Variants in DNAH8 observed in about 807,000 individuals in gnomAD.
DNAH8 encodes dynein axonemal heavy chain 8.
Under a neutral mutation model 562.1 loss-of-function variants are expected in DNAH8, and 382 were observed. The ratio of observed to expected loss-of-function variants is 0.68; its 90% CI spans 0.63 to 0.74. The LOEUF is 0.74. Ranked by LOEUF, DNAH8 falls within the 30% of genes least tolerant of loss-of-function variation. DNAH8 has a pLI of 0.00. For synonymous variants in DNAH8, 1,881 were observed against 1,919.4 expected, an observed-to-expected ratio of 0.98 and a Z score of 0.52; for missense variants, 5,203 against 5,620.4, an observed-to-expected ratio of 0.93 and a Z score of 2.37.
Position 38,848,182 on chromosome 6 carries a change from T to G in DNAH8, c.5046-466T>G, listed in dbSNP as rs937325657. Among the ~76,000 whole-genome samples the G allele has an allele frequency of 4.6e-5, 7 of 152,268 alleles. No individual in the cohort carries two copies. In the East Asian group the frequency reaches 5.8e-4, roughly 13 times the overall value. On this transcript the variant is annotated intron_variant, in intron 36 of 92. Transcript: ENST00000327475. ...AGTCTGTCTCTTGCTGGATGAAACC[T>G]TCAAGACCATTCATAAAAGGAAAAT...
Position 38,911,475 on chromosome 6 carries a change from C to T in DNAH8, c.9748C>T (p.Arg3250Ter), listed in dbSNP as rs747123680. ...SCESYFQRYR[R>*]RAHVTPKSYL... ...TTAATGTTCTGCTTTCAGATACCGCCGAAGAGCACATGTGACTCCCAAATC... is the reference window on the plus strand; with the variant it reads ...TTAATGTTCTGCTTTCAGATACCGCTGAAGAGCACATGTGACTCCCAAATC... The change falls in exon 66 of 93, where the codon CGA (arginine) becomes TGA (stop). Residue 3250 changes from arginine (R) to a stop codon, truncating the protein, a stop_gained. Transcript: ENST00000327475. LOFTEE classifies it high-confidence loss of function. 1.6e-5 allele frequency: 25 copies of T among 1,610,590 alleles called. No individual in the cohort carries two copies. Among genetic ancestry groups the T allele is most frequent in the East Asian group, 2.2e-5 (1 of 44,832 alleles).
At chr6:38,832,755 T>A (rs1773948012) in intron 31 of DNAH8, among the ~76,000 whole-genome samples, 1 of 152,212 alleles carries the variant, frequency 6.6e-6, no homozygotes, top group Admixed American at 6.5e-5. Flanking sequence ...TGTGTTGGGC[T>A]GCATTCAAAG....
intron 91 of DNAH8, among the ~76,000 whole-genome samples, chr6:39,025,189 C>A (rs1184978276): frequency 6.6e-6 from 1 of 152,100 alleles, no homozygotes; most frequent in African/African-American, 2.4e-5. Context: ...CTGGAATTGC[C>A]CCATCTGGCA....
chr6:38,776,610 G>T (rs895885835), intron 13 of DNAH8, among the ~76,000 whole-genome samples: 4 of 144,104 alleles, frequency 2.8e-5, no homozygotes, highest in African/African-American at 1.2e-4. Flanking sequence ...CAAGTGTGAT[G>T]AGATTTGAGA....
chr6:38,752,149 C>T (rs964279539), intron 9 of DNAH8, among the ~76,000 whole-genome samples: 1 of 151,196 alleles, frequency 6.6e-6, no homozygotes, highest in Non-Finnish European at 1.5e-5. Flanking sequence ...TGAAATGCTT[C>T]CTCTTTCCTT....
intron 64 of DNAH8, among the ~76,000 whole-genome samples, chr6:38,909,262 T>C: frequency 6.6e-6 from 1 of 152,216 alleles, no homozygotes; most frequent in Non-Finnish European, 1.5e-5. Context: ...AAAAGAGTAC[T>C]AGTTTATCAG....
chr6:38,850,108 G>A (rs202243584), intron 37 of DNAH8, 143 bp from the exon 38 acceptor site: 3 of 651,336 alleles, frequency 4.6e-6, no homozygotes, highest in African/African-American at 1.9e-5. Flanking sequence ...TAATTCAAAT[G>A]AAAAAAAATT....
chr6:38,873,154 C>A lies in DNAH8; in HGVS notation c.7479+7C>A. Reference sequence around the variant, plus strand: ...CTGGAGGCCAATCTTACAGGTGGGGCAGAGAGATGGGAAGAAGAACCCTCA... The same window carrying A: ...CTGGAGGCCAATCTTACAGGTGGGGAAGAGAGATGGGAAGAAGAACCCTCA... On this transcript the variant is annotated splice_region_variant and intron_variant, in intron 51 of 92. Coordinates refer to ENST00000327475, the MANE Select transcript of DNAH8 (RefSeq NM_001206927.2). The A allele has an allele frequency of 6.2e-7, 1 of 1,613,250 alleles. No individual in the cohort carries two copies. The highest frequency in any genetic ancestry group is 8.5e-7 in the Non-Finnish European group (1 of 1,179,924).
chr6:38,787,129 A>G (rs888207641), intron 18 of DNAH8, among the ~76,000 whole-genome samples, 177 bp downstream of exon 18: 12 of 152,090 alleles, frequency 7.9e-5, no homozygotes, highest in Non-Finnish European at 1.5e-5. Flanking sequence ...AAGATTGGAA[A>G]TGGAAAGCAA....
intron 92 of DNAH8, among the ~76,000 whole-genome samples, chr6:39,028,825 G>C (rs886360843): frequency 6.6e-6 from 1 of 152,144 alleles, no homozygotes; most frequent in Non-Finnish European, 1.5e-5. Flanking sequence ...GATTTTCTGG[G>C]ACTGCCCATG....
At chr6:39,025,169 G>A (rs1767191702) in intron 91 of DNAH8, among the ~76,000 whole-genome samples, 2 of 152,162 alleles carry the variant, frequency 1.3e-5, no homozygotes, top group Admixed American at 1.3e-4. Context: ...TGTGTGTGCT[G>A]TTCCTTTACC....
chr6:38,955,634 A>AC (rs1762195117), intron 82 of DNAH8, among the ~76,000 whole-genome samples: 1 of 152,106 alleles, frequency 6.6e-6, no homozygotes, highest in Admixed American at 6.5e-5. Context: ...CCATCTCAAA[A>AC]ATAAATAAAT....
At chr6:38,886,739 G>A in intron 56 of DNAH8, 52 bp from the exon 57 acceptor site, 1 of 1,315,778 alleles carries the variant, frequency 7.6e-7, no homozygotes, top group Non-Finnish European at 1.1e-6. Context: ...TTGAAGTTAT[G>A]GAGGAATATG....
At chr6:38,726,971 C>T (rs1763276132) in intron 3 of DNAH8, among the ~76,000 whole-genome samples, 1 of 147,048 alleles carries the variant, frequency 6.8e-6, no homozygotes, top group Non-Finnish European at 1.5e-5. Context: ...GATTCTCCTG[C>T]TTCAGCCTCC....
In DNAH8 at chr6:38,781,276, AC is replaced by A. The variant is rs747799823; in HGVS notation, c.2168del (p.Pro723LeufsTer9). ...CAGCTTTATCATTCTCAGAAAGATG[AC>A]CCCCCTCTTGCTCGCAACATGCCCC... is the stretch of plus-strand genomic sequence containing the variant. ...TKKLYHSQKD[D>X]PPLARNMPPI... On this transcript the variant is annotated frameshift_variant, in exon 16 of 93. Coordinates refer to ENST00000327475, the MANE Select transcript of DNAH8 (RefSeq NM_001206927.2). LOFTEE classifies it high-confidence loss of function. The A allele has an allele frequency of 4.3e-6, 7 of 1,613,472 alleles. No homozygotes were observed. The African/African-American group carries it at 8.0e-5, about 18-fold the overall frequency.
intron 91 of DNAH8, among the ~76,000 whole-genome samples, chr6:39,015,015 G>T (rs2150778132): frequency 6.6e-6 from 1 of 152,228 alleles, no homozygotes; most frequent in South Asian, 2.1e-4. Context: ...GAGCAAGGAG[G>T]GACAATGTAG....
intron 7 of DNAH8, among the ~76,000 whole-genome samples, chr6:38,739,157 C>T (rs1764336069): frequency 6.6e-6 from 1 of 152,062 alleles, no homozygotes; most frequent in African/African-American, 2.4e-5. Context: ...TGTTATCATA[C>T]TACATTTTTG....
intron 31 of DNAH8, among the ~76,000 whole-genome samples, chr6:38,834,271 T>C (rs1030484858): frequency 6.6e-6 from 1 of 152,170 alleles, no homozygotes; most frequent in African/African-American, 2.4e-5. Context: ...TCTGTCAAGG[T>C]CCTTTAAAAA....
chr6:38,989,001 T>G (rs977301369), intron 87 of DNAH8, among the ~76,000 whole-genome samples: 3 of 152,248 alleles, frequency 2.0e-5, no homozygotes, highest in Admixed American at 6.5e-5. Flanking sequence ...CTCTTATCTT[T>G]GCATTCTGTT....
Sources: allele counts gnomAD v4.1 joint callset (sites outside exome capture counted in the v4.1 genomes callset), GRCh38; gene constraint gnomAD v4.1.1; transcripts MANE v1.5; gene names NCBI Gene and HGNC (gene_info 2026-07-23, HGNC 2026-07-21).